The following SLC26A5 variants were observed in gnomAD, a reference collection of about 807,000 sequenced individuals.
The protein encoded by SLC26A5 is solute carrier family 26 member 5.
In SLC26A5, 51 loss-of-function variants were observed where a neutral mutation model predicts 81.0. The ratio of observed to expected loss-of-function variants is 0.63; its 90% CI spans 0.50 to 0.80. The LOEUF is 0.80. Ranked by LOEUF, SLC26A5 falls within the 30% of genes least tolerant of loss-of-function variation. SLC26A5 has a pLI of 0.00. For synonymous variants in SLC26A5, 325 were observed against 332.8 expected, an observed-to-expected ratio of 0.98 and a Z score of 0.25; for missense variants, 771 against 905.8, an observed-to-expected ratio of 0.85 and a Z score of 1.91.
intron 14 of SLC26A5, among the ~76,000 whole-genome samples, chr7:103,386,213 G>A (rs1161580733): frequency 1.3e-5 from 2 of 151,616 alleles, no homozygotes; most frequent in African/African-American, 4.8e-5. Context: ...TTACAGGAGT[G>A]AGCCACTGCA....
intron 6 of SLC26A5, 78 bp from the exon 7 acceptor site, chr7:103,410,627 G>T: frequency 7.6e-7 from 1 of 1,320,782 alleles, no homozygotes; most frequent in Non-Finnish European, 1.1e-6. Flanking sequence ...AAATATACAA[G>T]TTCTTTCTTG....
downstream of SLC26A5, chr7:103,374,113 T>A: frequency 9.6e-7 from 1 of 1,039,476 alleles, no homozygotes; most frequent in Non-Finnish European, 1.2e-6. Flanking sequence ...GTAAAATACT[T>A]GACTGAAATA....
At chr7:103,359,499 T>A (rs905111727) in intron 19 of SLC26A5, among the ~76,000 whole-genome samples, 1 of 152,164 alleles carries the variant, frequency 6.6e-6, no homozygotes, top group Admixed American at 6.5e-5. Context: ...CATTCCCGTC[T>A]CTTTCCAGCC....
chr7:103,385,388 C>G (rs1381111693), intron 14 of SLC26A5, among the ~76,000 whole-genome samples: 1 of 152,108 alleles, frequency 6.6e-6, no homozygotes, highest in Non-Finnish European at 1.5e-5. Flanking sequence ...CCTGCTTTGG[C>G]CTCCCAAAGT....
At chr7:103,357,958 G>A (rs1467095358) in intron 19 of SLC26A5, among the ~76,000 whole-genome samples, 1 of 152,036 alleles carries the variant, frequency 6.6e-6, no homozygotes, top group Non-Finnish European at 1.5e-5. Context: ...ACCTGCTTTG[G>A]TTTGGACCAG....
chr7:103,390,549 G>T, intron 11 of SLC26A5, 43 bp from the exon 12 acceptor site: 1 of 1,496,160 alleles, frequency 6.7e-7, no homozygotes, highest in Non-Finnish European at 9.3e-7. Context: ...TAGGAGACTT[G>T]AATAAGAGGC....
rs1329177261 is a variant in SLC26A5, at chr7:103,410,395, GAA to G, written c.723_724del (p.Ser242ArgfsTer4). The G allele has an allele frequency of 1.9e-6, 3 of 1,613,990 alleles. No individual in the cohort carries two copies. Among genetic ancestry groups the G allele is most frequent in the Non-Finnish European group, 2.5e-6 (3 of 1,179,884 alleles). ...TAGTTTCTTACTTACATACACCACG[GAA>G]AAGATTCCACTGTACCGCTTTGTTT... On this transcript the variant is annotated frameshift_variant, in exon 7 of 20. Coordinates refer to ENST00000306312, the MANE Select transcript of SLC26A5 (RefSeq NM_198999.3). LOFTEE classifies it high-confidence loss of function.
chr7:103,357,776 C>T (rs557735790), intron 19 of SLC26A5, among the ~76,000 whole-genome samples: 362 of 152,138 alleles, frequency 2.4e-3, no homozygotes, highest in Middle Eastern at 0.01. Context: ...CTTGTTTTTT[C>T]ATTTGCCTGG....
At chr7:103,428,364 T>C (rs1405938777) in intron 2 of SLC26A5, among the ~76,000 whole-genome samples, 1 of 152,142 alleles carries the variant, frequency 6.6e-6, no homozygotes, top group African/African-American at 2.4e-5. Flanking sequence ...CTTAGTTTCC[T>C]CATCTTTATT....
downstream of SLC26A5, chr7:103,374,199 C>A (rs1457603492): frequency 2.2e-6 from 3 of 1,370,924 alleles, no homozygotes; most frequent in Non-Finnish European, 2.8e-6. Flanking sequence ...ATGCAGGCAA[C>A]AGGCCAATTT....
intron 19 of SLC26A5, chr7:103,354,883 TCTAGG>T: frequency 6.2e-7 from 1 of 1,612,310 alleles, no homozygotes; most frequent in Non-Finnish European, 8.5e-7. Flanking sequence ...GAGCACTTAC[TCTAGG>T]CAGATCAAGC....
chr7:103,439,453 G>A (rs1350791786), intron 2 of SLC26A5, among the ~76,000 whole-genome samples: 9 of 152,110 alleles, frequency 5.9e-5, no homozygotes, highest in Admixed American at 2.0e-4. Flanking sequence ...TCCTTTCCTT[G>A]CTGTGGTCAT....
intron 14 of SLC26A5, among the ~76,000 whole-genome samples, chr7:103,381,053 TCA>T (rs887125950): frequency 1.3e-5 from 2 of 148,916 alleles, no homozygotes; most frequent in Admixed American, 6.7e-5. Flanking sequence ...ATACCTCATA[TCA>T]CACACAATAT....
At chr7:103,361,134 AAAAC>A (rs1441951072) in intron 19 of SLC26A5, among the ~76,000 whole-genome samples, 4 of 149,024 alleles carry the variant, frequency 2.7e-5, no homozygotes, top group African/African-American at 9.9e-5. Flanking sequence ...AAAAGAAAAA[AAAAC>A]AAGCTTCTAC....
chr7:103,437,770 TA>T (rs1826563172), intron 2 of SLC26A5, among the ~76,000 whole-genome samples: 1 of 152,066 alleles, frequency 6.6e-6, no homozygotes, highest in Non-Finnish European at 1.5e-5. Context: ...GACCAGAGGC[TA>T]GGTCATGGGT....
intron 2 of SLC26A5, among the ~76,000 whole-genome samples, chr7:103,435,774 A>C (rs568940166): frequency 6.6e-6 from 1 of 152,166 alleles, no homozygotes; most frequent in African/African-American, 2.4e-5. Context: ...TTTTTGTACA[A>C]ATTCTTGGTT....
chr7:103,354,918 G>C, intron 19 of SLC26A5: 1 of 1,613,016 alleles, frequency 6.2e-7, no homozygotes, highest in Non-Finnish European at 8.5e-7. Context: ...ATGACATTCA[G>C]CAACTTCTCA....
chr7:103,385,212 A>T (rs1370409925), intron 14 of SLC26A5, among the ~76,000 whole-genome samples: 1 of 151,890 alleles, frequency 6.6e-6, no homozygotes, highest in Non-Finnish European at 1.5e-5. Context: ...CCTGGGCTGG[A>T]GTGCAGTGGC....
intron 8 of SLC26A5, among the ~76,000 whole-genome samples, chr7:103,406,877 T>C (rs1225132488): frequency 1.3e-5 from 2 of 152,318 alleles, no homozygotes; most frequent in East Asian, 1.9e-4. Context: ...GGCCTCGAAC[T>C]CCTGGCCTCA....
Sources: allele counts gnomAD v4.1 joint callset (sites outside exome capture counted in the v4.1 genomes callset), GRCh38; gene constraint gnomAD v4.1.1; transcripts MANE v1.5; gene names NCBI Gene and HGNC (gene_info 2026-07-23, HGNC 2026-07-21).